The following ATRNL1 variants were observed in gnomAD, a reference collection of about 807,000 sequenced individuals.
ATRNL1 encodes the protein attractin like 1, also known as attractin-like protein 1.
In ATRNL1, 95 loss-of-function variants were observed where a neutral mutation model predicts 182.7. The observed-to-expected ratio is 0.52, with a 90% CI of 0.44 to 0.62. The LOEUF (loss-of-function observed/expected upper bound fraction) is 0.62, where lower values mean the gene tolerates loss of function less well. Ranked by LOEUF, ATRNL1 falls within the 20% of genes least tolerant of loss-of-function variation. ATRNL1 has a pLI of 0.00. For synonymous variants in ATRNL1, 576 were observed against 568.3 expected (o/e 1.01, Z -0.19); for missense variants, 1,471 against 1,679.5 (o/e 0.88, Z 2.17).
At chr10:115,407,054 T>C (rs1844866283) in intron 20 of ATRNL1, among the ~76,000 whole-genome samples, 1 of 152,186 alleles carries the variant, frequency 6.6e-6, no homozygotes. Context: ...TTTCTTCTAG[T>C]GTCTGTTTTG....
intron 26 of ATRNL1, among the ~76,000 whole-genome samples, chr10:115,607,041 C>G (rs1228378019): frequency 6.6e-6 from 1 of 151,956 alleles, no homozygotes; most frequent in East Asian, 1.9e-4. Context: ...TTCTCAATGA[C>G]TTTTTACTCA....
chr10:115,711,435 G>A (rs1947061134), intron 26 of ATRNL1, among the ~76,000 whole-genome samples: 1 of 152,152 alleles, frequency 6.6e-6, no homozygotes, highest in Non-Finnish European at 1.5e-5. Context: ...AGTAAGAGCA[G>A]GAGAGAAGCT....
intron 26 of ATRNL1, among the ~76,000 whole-genome samples, chr10:115,592,633 CCTT>C (rs1855980365): frequency 6.6e-6 from 1 of 152,128 alleles, no homozygotes; most frequent in Non-Finnish European, 1.5e-5. Context: ...AATATGTGGT[CCTT>C]TATGACTAGC....
At chr10:115,412,706 C>A (rs1554960175) in intron 20 of ATRNL1, among the ~76,000 whole-genome samples, 11 of 152,064 alleles carry the variant, frequency 7.2e-5, no homozygotes. Flanking sequence ...TTCAACAATG[C>A]AGATTAAGAC....
At chr10:115,908,317 A>AT (rs1424888337) in intron 28 of ATRNL1, among the ~76,000 whole-genome samples, 21 of 151,112 alleles carry the variant, frequency 1.4e-4, no homozygotes, top group Middle Eastern at 6.8e-3. Context: ...GCAAAGCTTC[A>AT]TTTTTTTTTC....
At chr10:115,914,443 A>C (rs187229205) in intron 28 of ATRNL1, among the ~76,000 whole-genome samples, 3 of 152,194 alleles carry the variant, frequency 2.0e-5, no homozygotes, top group Non-Finnish European at 4.4e-5. Context: ...GGGGTATGGA[A>C]TAGGCCACCA....
At chr10:115,748,663 T>C (rs571878426) in intron 27 of ATRNL1, among the ~76,000 whole-genome samples, 78 of 152,044 alleles carry the variant, frequency 5.1e-4, no homozygotes, top group Non-Finnish European at 1.0e-3. Flanking sequence ...TTGCTTGCTC[T>C]AGAGCATGAC....
chr10:115,847,234 T>A (rs1312571654), intron 27 of ATRNL1, among the ~76,000 whole-genome samples: 1 of 151,916 alleles, frequency 6.6e-6, no homozygotes, highest in Non-Finnish European at 1.5e-5. Flanking sequence ...TATGAGGAGA[T>A]GTAGGTCAAA....
intron 28 of ATRNL1, among the ~76,000 whole-genome samples, chr10:115,864,221 T>TGCA (rs1394562907): frequency 6.7e-6 from 1 of 149,286 alleles, no homozygotes; most frequent in African/African-American, 2.5e-5. Flanking sequence ...ATTGCACCAC[T>TGCA]GCACTCCAGC....
chr10:115,927,516 G>C (rs963831017), intron 28 of ATRNL1, among the ~76,000 whole-genome samples: 2 of 152,078 alleles, frequency 1.3e-5, no homozygotes, highest in African/African-American at 4.8e-5. Context: ...TGATCTAAGA[G>C]TAGGGAAGTC....
chr10:115,345,476 G>T (rs996634952), intron 19 of ATRNL1, among the ~76,000 whole-genome samples: 1 of 152,230 alleles, frequency 6.6e-6, no homozygotes, highest in Non-Finnish European at 1.5e-5. Flanking sequence ...CTGCAGGGAG[G>T]TGGGAGAGGG....
intron 9 of ATRNL1, among the ~76,000 whole-genome samples, chr10:115,216,528 TG>T (rs1177216000): frequency 6.6e-6 from 1 of 152,200 alleles, no homozygotes; most frequent in Non-Finnish European, 1.5e-5. Flanking sequence ...GATTTCCTAT[TG>T]TTTCCTGTTT....
At chr10:115,902,442 T>C (rs540092227) in intron 28 of ATRNL1, among the ~76,000 whole-genome samples, 25 of 152,318 alleles carry the variant, frequency 1.6e-4, no homozygotes, top group African/African-American at 6.0e-4. Context: ...CATTCATTTA[T>C]TTTTTATAGG....
At chr10:115,192,615 C>T (rs1554890090) in intron 8 of ATRNL1, among the ~76,000 whole-genome samples, 1 of 151,896 alleles carries the variant, frequency 6.6e-6, no homozygotes, top group African/African-American at 2.4e-5. Context: ...TAGGATCATT[C>T]TTTCTGTGAA....
chr10:115,202,875 G>A (rs1276729167), intron 8 of ATRNL1, among the ~76,000 whole-genome samples: 2 of 147,564 alleles, frequency 1.4e-5, no homozygotes, highest in Non-Finnish European at 3.0e-5. Flanking sequence ...ACTCTTTTTG[G>A]TTGGTAAGCT....
chr10:115,564,258 A>G (rs950552407), intron 26 of ATRNL1, among the ~76,000 whole-genome samples: 5 of 151,972 alleles, frequency 3.3e-5, no homozygotes, highest in African/African-American at 1.2e-4. Context: ...GTTAACTATT[A>G]TAGTATATTA....
At chr10:115,636,983 G>A (rs1389008085) in intron 26 of ATRNL1, among the ~76,000 whole-genome samples, 5 of 152,112 alleles carry the variant, frequency 3.3e-5, no homozygotes, top group African/African-American at 7.2e-5. Context: ...GAAACAGGAC[G>A]ATAAAAAAAG....
chr10:115,150,348 A>G (rs1357864343), intron 5 of ATRNL1, among the ~76,000 whole-genome samples: 2 of 147,296 alleles, frequency 1.4e-5, no homozygotes, highest in Non-Finnish European at 3.0e-5. Flanking sequence ...TTCTGCTTTT[A>G]TCTTTATTAT....
At chr10:115,722,234 C>T (rs375534238) in intron 26 of ATRNL1, among the ~76,000 whole-genome samples, 5 of 149,194 alleles carry the variant, frequency 3.4e-5, no homozygotes, top group Non-Finnish European at 5.9e-5. Flanking sequence ...AGCATATTGC[C>T]GGCAGGTCAA....
Sources: gnomAD v4.1 joint callset for allele counts (sites outside exome capture counted in the v4.1 genomes callset) on GRCh38, gnomAD v4.1.1 for gene constraint, MANE v1.5 for transcripts, NCBI Gene and HGNC (gene_info 2026-07-23, HGNC 2026-07-21) for gene names.